The following DNAJC3 variants were observed in gnomAD, a reference collection of about 807,000 sequenced individuals.
DNAJC3 encodes the protein DnaJ heat shock protein family (Hsp40) member C3.
In DNAJC3, 38 loss-of-function variants were observed where a neutral mutation model predicts 68.6. That is an observed-to-expected ratio of 0.55 (90% CI 0.43 to 0.73). The LOEUF is 0.73. Ranked by LOEUF, DNAJC3 falls within the 30% of genes least tolerant of loss-of-function variation. The probability of loss-of-function intolerance (pLI) is 0.00; values close to 1 mark genes in which losing one functional copy is unlikely to be tolerated. For synonymous variants in DNAJC3, 203 were observed against 204.0 expected (o/e 1.00, Z 0.04); for missense variants, 526 against 591.9 (o/e 0.89, Z 1.16).
chr13:95,735,111 A>G (rs1355165591), intron 4 of DNAJC3, among the ~76,000 whole-genome samples: 2,431 of 150,076 alleles, frequency 0.016, 64 homozygotes, highest in African/African-American at 0.057. Context: ...GAGAATGATG[A>G]TTTCCAATTT....
intron 1 of DNAJC3, among the ~76,000 whole-genome samples, chr13:95,697,245 G>A (rs764346791): frequency 6.6e-6 from 1 of 152,138 alleles, no homozygotes; most frequent in Admixed American, 6.5e-5. Flanking sequence ...GTGTTTGCTT[G>A]TCTGTAAAAG....
rs1193979630 is a variant in DNAJC3 at position 95,704,851 on chromosome 13, GT to G, written c.83-4358del. On this transcript the variant is annotated intron_variant, in intron 1 of 11. Coordinates refer to ENST00000602402, the MANE Select transcript of DNAJC3 (RefSeq NM_006260.5). Reference sequence around the variant, plus strand: ...AGAAAGGACTAATCTGTGTGTGTGTGTTTTTTTTTTTTTTTTTTGAGACAGA... The same window carrying G: ...AGAAAGGACTAATCTGTGTGTGTGTGTTTTTTTTTTTTTTTTTGAGACAGA... Among the ~76,000 whole-genome samples the G allele has an allele frequency of 1.5e-3, 151 of 97,828 alleles. 1 individual carries two copies. Among genetic ancestry groups the G allele is most frequent in the South Asian group, 2.3e-3 (7 of 3,066 alleles). 64.2% of individuals were successfully genotyped at this position (97,828 alleles called of 152,430 possible).
chr13:95,690,560 G>A (rs1185714917), intron 1 of DNAJC3, among the ~76,000 whole-genome samples: 1 of 150,894 alleles, frequency 6.6e-6, no homozygotes, highest in East Asian at 2.0e-4. Flanking sequence ...CAGTAGGGGC[G>A]GCCGGGCAGA....
At chr13:95,688,646 G>A (rs1880133139) in intron 1 of DNAJC3, among the ~76,000 whole-genome samples, 1 of 151,926 alleles carries the variant, frequency 6.6e-6, no homozygotes, top group Admixed American at 6.6e-5. Context: ...TCCTGGGGCT[G>A]GGGTTACAGG....
At chr13:95,787,332 T>C (rs1337492661) in intron 11 of DNAJC3, among the ~76,000 whole-genome samples, 177 bp downstream of exon 11, 3 of 152,194 alleles carry the variant, frequency 2.0e-5, no homozygotes, top group Non-Finnish European at 2.9e-5. Context: ...GGCACCCTCC[T>C]GTTGCAGGGT....
At chr13:95,776,303 T>G (rs1883290393) in intron 9 of DNAJC3, among the ~76,000 whole-genome samples, 1 of 152,174 alleles carries the variant, frequency 6.6e-6, no homozygotes, top group African/African-American at 2.4e-5. Flanking sequence ...AGTAAACTAT[T>G]AATTAGGGTA....
intron 6 of DNAJC3, 79 bp downstream of exon 6, chr13:95,760,300 A>G (rs1882784908): frequency 1.6e-6 from 2 of 1,229,270 alleles, no homozygotes; most frequent in Non-Finnish European, 2.2e-6. Flanking sequence ...TAACATTTTA[A>G]TATTAAATTA....
Position 95,779,311 on chromosome 13 carries a change from A to C in DNAJC3, c.1076-6628A>C, listed in dbSNP as rs548326928. On this transcript the variant is annotated intron_variant, in intron 9 of 11. Coordinates refer to ENST00000602402, the MANE Select transcript of DNAJC3 (RefSeq NM_006260.5). ...GCTAATTTTTTCTATTTTTTAGTAG[A>C]GACGGGGTTTCACCGTGTTAGCCAG... Among the ~76,000 whole-genome samples the C allele has an allele frequency of 3.3e-5, 5 of 151,890 alleles. No homozygotes were observed. In the South Asian group the frequency reaches 1.0e-3, roughly 32 times the overall value.
chr13:95,760,693 G>A lies in DNAJC3; in HGVS notation c.743G>A (p.Cys248Tyr). 2 of 1,609,866 alleles carry A rather than the reference G, an allele frequency of 1.2e-6. No homozygotes were observed. Among genetic ancestry groups the A allele is most frequent in the Non-Finnish European group, 1.7e-6 (2 of 1,178,368 alleles). Residue 248 changes from cysteine to tyrosine, a missense_variant, in exon 7 of 12, where the codon TGT becomes TAT. Transcript: ENST00000602402. ...HELSLSEVRE[C>Y]LKLDQDHKRC... is the part of the protein sequence containing the mutation. ...TACATGAACAGTGAAGTTCGGGAAT[G>A]TCTTAAACTTGACCAGGATCATAAA...
At chr13:95,716,539 T>C (rs1881153032) in intron 2 of DNAJC3, among the ~76,000 whole-genome samples, 1 of 152,172 alleles carries the variant, frequency 6.6e-6, no homozygotes, top group Non-Finnish European at 1.5e-5. Context: ...AATCAGATCA[T>C]ATACATGGGC....
chr13:95,757,004 G>C (rs997043350), intron 4 of DNAJC3, among the ~76,000 whole-genome samples: 3 of 152,126 alleles, frequency 2.0e-5, no homozygotes, highest in Non-Finnish European at 4.4e-5. Context: ...CATTTGAAAT[G>C]AGCAATTTTA....
intron 2 of DNAJC3, among the ~76,000 whole-genome samples, chr13:95,714,867 A>G (rs1201755580): frequency 6.6e-6 from 1 of 152,168 alleles, no homozygotes; most frequent in Non-Finnish European, 1.5e-5. Flanking sequence ...CATTTATTAG[A>G]AACATCAAGG....
chr13:95,749,925 C>A (rs919938492), intron 4 of DNAJC3, among the ~76,000 whole-genome samples: 27 of 152,162 alleles, frequency 1.8e-4, no homozygotes, highest in African/African-American at 6.3e-4. Context: ...TGGCCCATGC[C>A]TGTAGTCCCA....
In DNAJC3 at chr13:95,760,056, C is replaced by T. The variant is rs767966836; in HGVS notation, c.563C>T (p.Ala188Val). The T allele has an allele frequency of 3.8e-6, 6 of 1,599,964 alleles. No individual in the cohort carries two copies. Among genetic ancestry groups the T allele is most frequent in the Non-Finnish European group, 5.1e-6 (6 of 1,172,850 alleles). Residue 188 changes from alanine to valine, a missense_variant, in exon 6 of 12, where the codon GCA becomes GTA. Coordinates refer to ENST00000602402, the MANE Select transcript of DNAJC3 (RefSeq NM_006260.5). The stretch of plus-strand genomic sequence containing the variant: ...TTCCTCAAGGTTTGTGTTTGGGATG[C>T]AGAACTACGGGAACTTCGAGCTGAA... ...DKILEVCVWD[A>V]ELRELRAECF...
At chr13:95,755,917 T>C (rs1427189952) in intron 4 of DNAJC3, among the ~76,000 whole-genome samples, 1 of 151,982 alleles carries the variant, frequency 6.6e-6, no homozygotes, top group African/African-American at 2.4e-5. Context: ...CTCTCCCTCT[T>C]CCCCACCTCT....
At chr13:95,763,548 T>C in intron 7 of DNAJC3, 95 bp from the exon 8 acceptor site, 3 of 1,172,766 alleles carry the variant, frequency 2.6e-6, no homozygotes, top group Non-Finnish European at 3.6e-6. Context: ...CCAATTGGAT[T>C]GATTAAGCAA....
At chr13:95,764,209 G>GA (rs1188887116) in intron 9 of DNAJC3, among the ~76,000 whole-genome samples, 3 of 150,990 alleles carry the variant, frequency 2.0e-5, no homozygotes, top group Non-Finnish European at 4.4e-5. Flanking sequence ...TTGTAGAAAG[G>GA]AAAAAAAATA....
In DNAJC3 at chr13:95,791,676, C is replaced by CAT. The variant is rs1883780752; in HGVS notation, c.*647_*648dup. On this transcript the variant is annotated 3_prime_UTR_variant, in exon 12 of 12. Transcript: ENST00000602402. Reference sequence around the variant, plus strand: ...AGACTTTGGATTAATGTTAAATGTACATTTTTTTGGTTCAGTACCTGAAGA... The same window carrying CAT: ...AGACTTTGGATTAATGTTAAATGTACATATTTTTTTGGTTCAGTACCTGAAGA... 2.0e-5 allele frequency: 3 copies of CAT among 152,144 alleles called. No homozygotes were observed. Among genetic ancestry groups the CAT allele is most frequent in the African/African-American group, 7.2e-5 (3 of 41,398 alleles). The allele number at this position is 152,144 out of a possible 1,614,324, so 9.4% of individuals were successfully genotyped here.
intron 1 of DNAJC3, among the ~76,000 whole-genome samples, chr13:95,704,851 G>GTGTTTTTTTTTTTTTTTTTTTTTTTT (rs1555323371): frequency 3.1e-5 from 3 of 97,848 alleles, no homozygotes; most frequent in African/African-American, 1.2e-4. Context: ...GTGTGTGTGT[G>GTGTTTTTTTTTTTTTTTTTTTTTTTT]TTTTTTTTTT....
Sources: gnomAD v4.1 joint callset for allele counts (sites outside exome capture counted in the v4.1 genomes callset) on GRCh38, gnomAD v4.1.1 for gene constraint, MANE v1.5 for transcripts, NCBI Gene and HGNC (gene_info 2026-07-23, HGNC 2026-07-21) for gene names.